ACTR3B: variants seen among roughly 807,000 people sequenced by gnomAD.
The protein encoded by ACTR3B is actin-related protein 3B.
A neutral mutation model predicts 59.0 loss-of-function variants in ACTR3B; 8 were observed. That is an observed-to-expected ratio of 0.14 (90% CI 0.08 to 0.24). The LOEUF (loss-of-function observed/expected upper bound fraction) is 0.24. Ranked by LOEUF, ACTR3B falls within the 10% of genes least tolerant of loss-of-function variation. The pLI is 1.00. For missense variants in ACTR3B, 245 were observed against 552.3 expected (o/e 0.44, Z 5.58); for synonymous variants, 148 against 197.9 (o/e 0.75, Z 2.12).
intron 9 of ACTR3B, among the ~76,000 whole-genome samples, chr7:152,841,723 G>A (rs976533061): frequency 6.6e-6 from 1 of 152,206 alleles, no homozygotes; most frequent in Non-Finnish European, 1.5e-5. Context: ...GAGAAATGAA[G>A]AGTTAGAGAC....
Position 152,778,227 on chromosome 7 carries a change from A to ATT in ACTR3B, c.45-4944_45-4943dup, listed in dbSNP as rs58107330. The stretch of plus-strand genomic sequence containing the variant: ...TTTTACTTTCCTGGATTGAGCCTAG[A>ATT]TTTTTTTTTTTTTTTTTACTACTTA... On this transcript the variant is annotated intron_variant, in intron 1 of 11. Coordinates refer to ENST00000256001, the MANE Select transcript of ACTR3B (RefSeq NM_020445.6). Among the ~76,000 whole-genome samples, 25 of 129,702 alleles carry ATT rather than the reference A, an allele frequency of 1.9e-4. No individual in the cohort carries two copies. In the South Asian group the frequency reaches 2.5e-3, roughly 13 times the overall value. 85.1% of individuals were successfully genotyped at this position (129,702 alleles called of 152,430 possible).
chr7:152,771,358 A>G (rs939402713), intron 1 of ACTR3B, among the ~76,000 whole-genome samples: 1 of 152,260 alleles, frequency 6.6e-6, no homozygotes, highest in Admixed American at 6.5e-5. Flanking sequence ...AAAGAAAGCT[A>G]AAAGGAGGAC....
chr7:152,834,882 C>T (rs993787490), intron 9 of ACTR3B, among the ~76,000 whole-genome samples: 3 of 152,200 alleles, frequency 2.0e-5, no homozygotes, highest in South Asian at 2.1e-4. Flanking sequence ...TTTTTGAATG[C>T]GTTTGGATTT....
chr7:152,847,029 TCTG>T (rs1563156376), intron 9 of ACTR3B, among the ~76,000 whole-genome samples: 8 of 144,034 alleles, frequency 5.6e-5, no homozygotes, highest in Admixed American at 4.1e-4. Flanking sequence ...CGGGCTGTAG[TCTG>T]CAGTGAGCTC....
intron 9 of ACTR3B, among the ~76,000 whole-genome samples, chr7:152,839,269 G>T: frequency 7.0e-6 from 1 of 143,348 alleles, no homozygotes. Flanking sequence ...CGGGGCGGGG[G>T]GTGGCGCCCA....
At chr7:152,767,833 G>A (rs913540676) in intron 1 of ACTR3B, among the ~76,000 whole-genome samples, 2 of 151,958 alleles carry the variant, frequency 1.3e-5, no homozygotes, top group East Asian at 3.9e-4. Flanking sequence ...GTTTTTCATG[G>A]TAGTTACTCA....
chr7:152,834,091 T>C (rs1325065638), intron 9 of ACTR3B, among the ~76,000 whole-genome samples: 2 of 138,366 alleles, frequency 1.4e-5, no homozygotes, highest in African/African-American at 5.6e-5. Flanking sequence ...AAATTTGAGA[T>C]TTTCTAAATT....
chr7:152,799,714 C>A (rs1459692028), intron 2 of ACTR3B, among the ~76,000 whole-genome samples: 1 of 152,108 alleles, frequency 6.6e-6, no homozygotes. Context: ...GTCAAGGAAG[C>A]CTTCAAGTGA....
intron 1 of ACTR3B, among the ~76,000 whole-genome samples, chr7:152,764,369 C>CCTGTAG (rs2098101106): frequency 6.6e-6 from 1 of 152,086 alleles, no homozygotes; most frequent in African/African-American, 2.4e-5. Flanking sequence ...GTGGCTCACA[C>CCTGTAG]CTGTAGTCCC....
chr7:152,762,643 A>G (rs901822241), intron 1 of ACTR3B, among the ~76,000 whole-genome samples: 4 of 152,200 alleles, frequency 2.6e-5, no homozygotes, highest in Admixed American at 1.3e-4. Context: ...GTAGTATCCT[A>G]TATACAGTAT....
At chr7:152,785,519 A>C (rs1590243053) in intron 2 of ACTR3B, among the ~76,000 whole-genome samples, 1 of 120,830 alleles carries the variant, frequency 8.3e-6, no homozygotes, top group African/African-American at 3.4e-5. Flanking sequence ...GAGGAGAGAG[A>C]AGAGAGAGAA....
At chr7:152,789,925 T>C (rs1469803002) in intron 2 of ACTR3B, among the ~76,000 whole-genome samples, 6 of 152,172 alleles carry the variant, frequency 3.9e-5, no homozygotes, top group Middle Eastern at 3.4e-3. Flanking sequence ...TGAATGACAG[T>C]GAGTATTGAC....
intron 7 of ACTR3B, among the ~76,000 whole-genome samples, 158 bp from the exon 8 acceptor site, chr7:152,823,184 A>G (rs557190114): frequency 2.6e-5 from 4 of 152,196 alleles, no homozygotes; most frequent in African/African-American, 9.7e-5. Flanking sequence ...ATGAAAGACG[A>G]TGGAATGTGA....
intron 1 of ACTR3B, among the ~76,000 whole-genome samples, chr7:152,780,827 T>C (rs1219247663): frequency 3.3e-5 from 5 of 150,066 alleles, no homozygotes; most frequent in Non-Finnish European, 5.9e-5. Flanking sequence ...TTTTGTTTGT[T>C]TTTTTTAACT....
chr7:152,797,474 A>G lies in ACTR3B; in HGVS notation c.101-3057A>G, dbSNP rs146663691. Among the ~76,000 whole-genome samples the G allele has an allele frequency of 2.8e-3, 426 of 152,300 alleles. 4 individuals are homozygous for G. Among genetic ancestry groups the G allele is most frequent in the Middle Eastern group, 0.014 (4 of 294 alleles). On this transcript the variant is annotated intron_variant, in intron 2 of 11. Transcript: ENST00000256001. ...GTTTTGAAGTATATATACATTGTGAATGGTTAAATCTAGCTAATTAACAAA... is the reference window on the plus strand; with the variant it reads ...GTTTTGAAGTATATATACATTGTGAGTGGTTAAATCTAGCTAATTAACAAA...
chr7:152,785,496 A>G (rs2098170742), intron 2 of ACTR3B, among the ~76,000 whole-genome samples: 1 of 100,998 alleles, frequency 9.9e-6, no homozygotes, highest in Non-Finnish European at 2.0e-5. Context: ...AGAGAGACAG[A>G]GAGAGAGAGA....
intron 11 of ACTR3B, among the ~76,000 whole-genome samples, chr7:152,853,821 A>C (rs527414018): frequency 6.6e-6 from 1 of 152,014 alleles, no homozygotes; most frequent in Admixed American, 6.6e-5. Context: ...GGTTTAAGCA[A>C]TTCTCCAGCC....
intron 4 of ACTR3B, among the ~76,000 whole-genome samples, chr7:152,803,861 C>CTAGAA (rs1315220994): frequency 2.0e-5 from 3 of 152,136 alleles, no homozygotes; most frequent in Non-Finnish European, 4.4e-5. Flanking sequence ...GCAAGTCATT[C>CTAGAA]TGTTGCATGT....
Position 152,762,848 on chromosome 7 carries a change from A to G in ACTR3B, c.44+2922A>G, listed in dbSNP as rs184942098. Among the ~76,000 whole-genome samples, 428 of 152,236 alleles carry G rather than the reference A, an allele frequency of 2.8e-3. 4 individuals are homozygous for G. Among genetic ancestry groups the G allele is most frequent in the African/African-American group, 1.0e-2 (415 of 41,536 alleles). On this transcript the variant is annotated intron_variant, in intron 1 of 11. Transcript: ENST00000256001. ...TGTTTCTCTGTGATAGATACAGGAT[A>G]TGCATATTTGTCAGGACTACCACAG...
Sources: allele counts gnomAD v4.1 joint callset (sites outside exome capture counted in the v4.1 genomes callset), GRCh38; gene constraint gnomAD v4.1.1; transcripts MANE v1.5; gene names NCBI Gene and HGNC (gene_info 2026-07-23, HGNC 2026-07-21).